Variants in SEMA6D observed in about 807,000 individuals in gnomAD.
SEMA6D encodes the protein semaphorin 6D.
In SEMA6D, 35 loss-of-function variants were observed where a neutral mutation model predicts 106.6. The observed-to-expected ratio is 0.33, with a 90% CI of 0.25 to 0.44. SEMA6D has a LOEUF of 0.44. Ranked by LOEUF, SEMA6D falls within the 20% of genes least tolerant of loss-of-function variation. SEMA6D has a pLI of 1.00. For synonymous variants in SEMA6D, 499 were observed against 487.7 expected, an observed-to-expected ratio of 1.02 and a Z score of -0.31; for missense variants, 1,185 against 1,345.9, an observed-to-expected ratio of 0.88 and a Z score of 1.87.
At chr15:47,646,415 T>G in intron 4 of SEMA6D, among the ~76,000 whole-genome samples, 1 of 152,210 alleles carries the variant, frequency 6.6e-6, no homozygotes, top group East Asian at 1.9e-4. Flanking sequence ...TGAACGCATT[T>G]AGAAATATCT....
At chr15:47,465,958 A>G (rs959026160) in intron 2 of SEMA6D, among the ~76,000 whole-genome samples, 2 of 152,130 alleles carry the variant, frequency 1.3e-5, no homozygotes, top group African/African-American at 4.8e-5. Context: ...AAATGTTCAT[A>G]TTTGTAACTT....
At chr15:47,193,105 A>T (rs945370691) in intron 1 of SEMA6D, among the ~76,000 whole-genome samples, 3 of 152,172 alleles carry the variant, frequency 2.0e-5, no homozygotes, top group Non-Finnish European at 4.4e-5. Flanking sequence ...GCCATATTGC[A>T]TGGTGTTTGA....
intron 3 of SEMA6D, among the ~76,000 whole-genome samples, chr15:47,499,561 C>T (rs1864526005): frequency 6.6e-6 from 1 of 152,022 alleles, no homozygotes; most frequent in African/African-American, 2.4e-5. Context: ...AGTATGATGA[C>T]TAGGTCATGC....
chr15:47,252,317 A>G (rs148029153), intron 1 of SEMA6D, among the ~76,000 whole-genome samples: 1 of 152,290 alleles, frequency 6.6e-6, no homozygotes, highest in African/African-American at 2.4e-5. Context: ...TGATGTTTCA[A>G]TACATGTGGA....
At chr15:47,227,467 TTTCTTTC>T (rs1456421646) in intron 1 of SEMA6D, among the ~76,000 whole-genome samples, 14 of 86,910 alleles carry the variant, frequency 1.6e-4, no homozygotes, top group South Asian at 3.1e-4. Context: ...TTTCTTTCTT[TTTCTTTC>T]TCTTTCTTTT....
intron 3 of SEMA6D, among the ~76,000 whole-genome samples, chr15:47,558,442 T>G (rs530725945): frequency 7.4e-4 from 113 of 151,952 alleles, no homozygotes; most frequent in African/African-American, 2.7e-3. Flanking sequence ...AGGCAAAGTG[T>G]AGGATACACT....
At chr15:47,353,273 A>G (rs941680621) in intron 1 of SEMA6D, among the ~76,000 whole-genome samples, 1 of 152,136 alleles carries the variant, frequency 6.6e-6, no homozygotes. Flanking sequence ...TTAGAACTGC[A>G]TTCTATTTAG....
intron 1 of SEMA6D, among the ~76,000 whole-genome samples, chr15:47,185,024 G>T (rs1475224250): frequency 6.6e-6 from 1 of 152,146 alleles, no homozygotes; most frequent in Non-Finnish European, 1.5e-5. Flanking sequence ...GGCACCCAGA[G>T]CCCCGAAGCC....
intron 1 of SEMA6D, among the ~76,000 whole-genome samples, chr15:47,254,921 GTCT>G (rs1179522868): frequency 6.8e-6 from 1 of 147,876 alleles, no homozygotes; most frequent in African/African-American, 2.5e-5. Flanking sequence ...GTGTGTCCTT[GTCT>G]AGTTTTGGTA....
At position 47,280,216 on chromosome 15, in the gene SEMA6D, G is replaced by A. The variant is rs1047995849; in HGVS notation, c.-239+95798G>A. Among the ~76,000 whole-genome samples, 6 of 152,202 alleles carry A rather than the reference G, an allele frequency of 3.9e-5. No homozygotes were observed. In the East Asian group the frequency reaches 1.2e-3, roughly 30 times the overall value. On this transcript the variant is annotated intron_variant, in intron 1 of 19. Transcript: ENST00000558014. ...GCCACAATTTCAGATCCTGTTATTG[G>A]TCTATTCAGAGATTCAACTTCTTCC...
intron 1 of SEMA6D, among the ~76,000 whole-genome samples, chr15:47,249,627 T>G (rs1475295242): frequency 6.6e-6 from 1 of 152,078 alleles, no homozygotes; most frequent in Non-Finnish European, 1.5e-5. Flanking sequence ...GGAGCCTAAG[T>G]GTGCTGAATC....
chr15:47,681,160 A>G (rs1407299753), intron 4 of SEMA6D, among the ~76,000 whole-genome samples: 4 of 152,252 alleles, frequency 2.6e-5, no homozygotes, highest in Non-Finnish European at 5.9e-5. Context: ...ATTAGTCACA[A>G]TAGCCAAGAT....
chr15:47,570,559 G>A (rs1196565571), intron 3 of SEMA6D, among the ~76,000 whole-genome samples: 1 of 152,200 alleles, frequency 6.6e-6, no homozygotes, highest in Non-Finnish European at 1.5e-5. Flanking sequence ...CCCTAAGTAT[G>A]TCTTCATCAA....
chr15:47,254,200 A>G (rs1360190999), intron 1 of SEMA6D, among the ~76,000 whole-genome samples: 1 of 150,922 alleles, frequency 6.6e-6, no homozygotes, highest in Non-Finnish European at 1.5e-5. Context: ...GTATTCTGCC[A>G]CTTTCTTGAA....
chr15:47,378,603 G>A (rs2039530914), intron 1 of SEMA6D, among the ~76,000 whole-genome samples: 1 of 152,192 alleles, frequency 6.6e-6, no homozygotes, highest in Admixed American at 6.5e-5. Context: ...CTAGGACAAA[G>A]TATTGCATAA....
intron 1 of SEMA6D, among the ~76,000 whole-genome samples, chr15:47,212,386 C>G (rs575787285): frequency 1.3e-5 from 2 of 152,282 alleles, no homozygotes; most frequent in East Asian, 3.9e-4. Context: ...ATGAGTCAGA[C>G]CTTTCTGCTT....
chr15:47,253,630 A>G (rs1239507918), intron 1 of SEMA6D, among the ~76,000 whole-genome samples: 1 of 151,920 alleles, frequency 6.6e-6, no homozygotes, highest in African/African-American at 2.4e-5. Context: ...TTTCCCCAAC[A>G]TATGTTCTTG....
intron 1 of SEMA6D, among the ~76,000 whole-genome samples, chr15:47,269,796 G>A (rs1379424958): frequency 6.6e-6 from 1 of 152,032 alleles, no homozygotes; most frequent in Non-Finnish European, 1.5e-5. Flanking sequence ...AATATCAGCA[G>A]ATTAGATAAA....
intron 4 of SEMA6D, among the ~76,000 whole-genome samples, chr15:47,661,618 G>A (rs979942986): frequency 1.3e-5 from 2 of 152,296 alleles, no homozygotes; most frequent in South Asian, 2.1e-4. Flanking sequence ...GGCTCTGTGG[G>A]AAAATGGAGA....
Sources: gnomAD v4.1 joint callset for allele counts (sites outside exome capture counted in the v4.1 genomes callset) on GRCh38, gnomAD v4.1.1 for gene constraint, MANE v1.5 for transcripts, NCBI Gene and HGNC (gene_info 2026-07-23, HGNC 2026-07-21) for gene names.